The following MTSS1 variants were observed in gnomAD, a reference collection of about 807,000 sequenced individuals.
MTSS1 encodes MTSS I-BAR domain containing 1.
In MTSS1, 18 loss-of-function variants were observed where a neutral mutation model predicts 79.0. The ratio of observed to expected loss-of-function variants is 0.23; its 90% CI spans 0.16 to 0.34. The LOEUF (loss-of-function observed/expected upper bound fraction) is 0.34, where lower values mean the gene tolerates loss of function less well. Among genes scored for constraint, MTSS1 ranks in the 10% least tolerant of loss-of-function variants. The probability of loss-of-function intolerance (pLI) is 1.00; values close to 1 mark genes in which losing one functional copy is unlikely to be tolerated. For missense variants in MTSS1, 815 were observed against 986.2 expected (o/e 0.83, Z 2.33); for synonymous variants, 341 against 368.6 (o/e 0.93, Z 0.86).
At chr8:124,562,685 G>T in intron 10 of MTSS1, 97 bp downstream of exon 10, 1 of 1,197,368 alleles carries the variant, frequency 8.4e-7, no homozygotes, top group Non-Finnish European at 1.2e-6. Flanking sequence ...AGTGGGCAGG[G>T]GATTGTCTAA....
chr8:124,670,564 T>C (rs952388624), intron 3 of MTSS1, among the ~76,000 whole-genome samples: 2 of 152,200 alleles, frequency 1.3e-5, no homozygotes, highest in African/African-American at 4.8e-5. Context: ...GCAAACATGA[T>C]ACACTTAGGA....
rs1321549278 is a variant in MTSS1 at position 124,552,696 on chromosome 8, CAA to C, written c.*294_*295del. On this transcript the variant is annotated 3_prime_UTR_variant, in exon 14 of 14. Coordinates refer to ENST00000518547, the MANE Select transcript of MTSS1 (RefSeq NM_014751.6). ...CCCCCTTTATGCATTTAAAATTTTACAAAGACTTGTAAAAAAGTTAAATGGAA... is the reference window on the plus strand; with the variant it reads ...CCCCCTTTATGCATTTAAAATTTTACAGACTTGTAAAAAAGTTAAATGGAA... 2.8e-6 allele frequency: 1 copy of C among 353,154 alleles called. No homozygotes were observed. The highest frequency in any genetic ancestry group is 5.1e-6 in the Non-Finnish European group (1 of 196,082). The allele number at this position is 353,154 out of a possible 1,614,324, so 21.9% of individuals were successfully genotyped here.
chr8:124,579,975 G>A (rs1829719634), intron 6 of MTSS1: 1 of 152,432 alleles, frequency 6.6e-6, no homozygotes, highest in African/African-American at 2.4e-5. Context: ...TTACTTAATT[G>A]GAAGATCTGA....
At chr8:124,630,749 T>C (rs766732773) in intron 3 of MTSS1, among the ~76,000 whole-genome samples, 26 of 152,144 alleles carry the variant, frequency 1.7e-4, no homozygotes, top group Non-Finnish European at 3.8e-4. Context: ...TAAGAGGAAA[T>C]TAAAATAATG....
chr8:124,588,122 G>A (rs1243333224), intron 5 of MTSS1, among the ~76,000 whole-genome samples: 1 of 152,182 alleles, frequency 6.6e-6, no homozygotes, highest in African/African-American at 2.4e-5. Context: ...TGAATAATTT[G>A]AATGAACCGG....
In MTSS1 at chr8:124,691,524, A is replaced by AT. The variant is rs905902965; in HGVS notation, c.208+8001dup. Among the ~76,000 whole-genome samples the AT allele has an allele frequency of 6.8e-4, 103 of 151,314 alleles. 1 individual carries two copies. The highest frequency in any genetic ancestry group is 1.0e-3 in the African/African-American group (43 of 41,264). On this transcript the variant is annotated intron_variant, in intron 3 of 13. Transcript: ENST00000518547. ...GTTTAGATGGTTTCAAGAGTTGTTT[A>AT]TTTTTTTTTGAGACCAAGTCTTGCT...
intron 5 of MTSS1, among the ~76,000 whole-genome samples, chr8:124,587,302 A>G (rs1375916827): frequency 6.6e-6 from 1 of 152,170 alleles, no homozygotes; most frequent in East Asian, 1.9e-4. Flanking sequence ...AACATAAACT[A>G]TCAACTCTTT....
chr8:124,600,401 A>G (rs1428490404), intron 3 of MTSS1, among the ~76,000 whole-genome samples: 1 of 152,252 alleles, frequency 6.6e-6, no homozygotes, highest in Non-Finnish European at 1.5e-5. Context: ...TGGCATTTAC[A>G]GGTTTATAAG....
rs536601826 is a variant in MTSS1, at chr8:124,583,182, A to C, written c.460+1905T>G. ...TGCTGGTGTGAGGCTGTGGCTGAGA[A>C]GACAGATGCTTCAGAAACCCCTGAT... is the stretch of plus-strand genomic sequence containing the variant. On this transcript the variant is annotated intron_variant, in intron 6 of 13. Transcript: ENST00000518547. Among the ~76,000 whole-genome samples, 15 of 152,302 alleles carry C rather than the reference A, an allele frequency of 9.8e-5. No individual in the cohort carries two copies. In the South Asian group the frequency reaches 3.1e-3, roughly 32 times the overall value.
At chr8:124,556,786 C>T (rs953082587) in intron 11 of MTSS1, among the ~76,000 whole-genome samples, 3 of 152,226 alleles carry the variant, frequency 2.0e-5, no homozygotes, top group Admixed American at 6.5e-5. Context: ...GATGGCTTCC[C>T]GTTAGGGGAA....
At chr8:124,668,463 T>C (rs994363510) in intron 3 of MTSS1, among the ~76,000 whole-genome samples, 2 of 152,170 alleles carry the variant, frequency 1.3e-5, no homozygotes, top group Non-Finnish European at 2.9e-5. Context: ...TTCTCGTTCA[T>C]GCCCCTACCA....
At chr8:124,557,291 C>T (rs192410245) in intron 11 of MTSS1, among the ~76,000 whole-genome samples, 2 of 152,296 alleles carry the variant, frequency 1.3e-5, no homozygotes, top group Admixed American at 1.3e-4. Context: ...CCCCCTAAAC[C>T]CCCTAGAAGC....
At chr8:124,716,809 C>T (rs16899964) in intron 1 of MTSS1, among the ~76,000 whole-genome samples, 6,076 of 152,050 alleles carry the variant, frequency 0.04, 148 homozygotes, top group East Asian at 0.084. Context: ...ATGTAATCCA[C>T]GGTGGTGAGC....
Position 124,727,765 on chromosome 8 carries a change from G to T in MTSS1, c.72+119C>A. 1.2e-6 allele frequency: 1 copy of T among 851,170 alleles called. No homozygotes were observed. The highest frequency in any genetic ancestry group is 1.8e-6 in the Non-Finnish European group (1 of 567,228). The allele number at this position is 851,170 out of a possible 1,614,324, so 52.7% of individuals were successfully genotyped here. ...GACACTCCGGCCGGGAGCTCCCGCA[G>T]GTGGCCGGTGGCCACACTGCAGGGA... On this transcript the variant is annotated intron_variant, in intron 1 of 13. Transcript: ENST00000518547. The surrounding 1 kb of genome is among the most constrained non-coding windows in gnomAD (Gnocchi z 4.7).
At chr8:124,576,742 G>A (rs1043444737) in intron 6 of MTSS1, among the ~76,000 whole-genome samples, 10 of 152,222 alleles carry the variant, frequency 6.6e-5, no homozygotes, top group African/African-American at 1.7e-4. Flanking sequence ...CTCAAGAGAG[G>A]CAGCAACTGC....
In MTSS1 at chr8:124,562,873, G is replaced by A. The variant is rs1233841771; in HGVS notation, c.944C>T (p.Ser315Phe). The A allele has an allele frequency of 1.2e-6, 2 of 1,614,020 alleles. No individual in the cohort carries two copies. The highest frequency in any genetic ancestry group is 1.7e-5 in the Admixed American group (1 of 59,996). The change falls in exon 10 of 14, where the codon TCC (serine) becomes TTC (phenylalanine). Residue 315 changes from serine to phenylalanine, a missense_variant. Physicochemically the swap from Ser to Phe is radical, Grantham distance 155. Coordinates refer to ENST00000518547, the MANE Select transcript of MTSS1 (RefSeq NM_014751.6). ...NLAQQAPVRL[S>F]SVSSHDSGFI... ...TCCTGAGTCATGGGAGGACACGCTG[G>A]ACAGCCTCACAGGAGCCTGCTGGGC...
chr8:124,687,278 G>A (rs1010401140), intron 3 of MTSS1, among the ~76,000 whole-genome samples: 7 of 152,146 alleles, frequency 4.6e-5, no homozygotes, highest in African/African-American at 1.2e-4. Context: ...CAGACATACT[G>A]TAGTCAGTGA....
chr8:124,682,101 A>C (rs1826216207), intron 3 of MTSS1, among the ~76,000 whole-genome samples: 1 of 152,226 alleles, frequency 6.6e-6, no homozygotes, highest in South Asian at 2.1e-4. Context: ...GCTGGGATTC[A>C]ACTCAAATCA....
intron 10 of MTSS1, among the ~76,000 whole-genome samples, chr8:124,560,788 C>T (rs566849692): frequency 1.3e-5 from 2 of 152,318 alleles, no homozygotes; most frequent in South Asian, 4.1e-4. Context: ...GGGTGAGACC[C>T]TCATTGAAGA....
Sources: allele counts gnomAD v4.1 joint callset (sites outside exome capture counted in the v4.1 genomes callset), GRCh38; gene constraint gnomAD v4.1.1; non-coding constraint Gnocchi (gnomAD v3.1); transcripts MANE v1.5; gene names NCBI Gene and HGNC (gene_info 2026-07-23, HGNC 2026-07-21).